ADARB1: variants seen among roughly 807,000 people sequenced by gnomAD.
The protein encoded by ADARB1 is adenosine deaminase RNA specific B1.
ADARB1 carries 10 observed loss-of-function variants against 52.4 expected under a neutral mutation model. The observed-to-expected ratio is 0.19, with a 90% CI of 0.12 to 0.32. The LOEUF (loss-of-function observed/expected upper bound fraction) is 0.32. Ranked by LOEUF, ADARB1 falls within the 10% of genes least tolerant of loss-of-function variation. The pLI is 1.00. For synonymous variants in ADARB1, 349 were observed against 371.1 expected (o/e 0.94, Z 0.68); for missense variants, 643 against 922.3 (o/e 0.70, Z 3.92).
intron 1 of ADARB1, among the ~76,000 whole-genome samples, chr21:45,108,202 G>GA (rs919136129): frequency 3.3e-5 from 5 of 152,280 alleles, no homozygotes; most frequent in African/African-American, 1.2e-4. Flanking sequence ...GAAATTCTAG[G>GA]AAAATGGGAA....
intron 9 of ADARB1, among the ~76,000 whole-genome samples, chr21:45,212,173 A>G (rs1479425102): frequency 6.6e-6 from 1 of 152,236 alleles, no homozygotes; most frequent in Non-Finnish European, 1.5e-5. Flanking sequence ...GGAAGATAAT[A>G]TAAGCGTTAT....
At chr21:45,080,562 A>C (rs1204091084) in intron 1 of ADARB1, among the ~76,000 whole-genome samples, 1 of 152,236 alleles carries the variant, frequency 6.6e-6, no homozygotes, top group African/African-American at 2.4e-5. Context: ...AAAAGTTCGG[A>C]ATCTCACCCT....
At chr21:45,175,618 T>C (rs1453656400) in intron 3 of ADARB1, 112 bp from the exon 4 acceptor site, 3 of 1,075,036 alleles carry the variant, frequency 2.8e-6, no homozygotes, top group South Asian at 3.0e-5. Context: ...ATAAAATTTA[T>C]AAGCACACAT....
At position 45,106,303 on chromosome 21, in the gene ADARB1, G is replaced by A. The variant is rs1601366181; in HGVS notation, c.-219-22099G>A. Among the ~76,000 whole-genome samples the A allele has an allele frequency of 2.0e-5, 3 of 151,920 alleles. No homozygotes were observed. The East Asian group carries it at 5.8e-4, about 29-fold the overall frequency. The stretch of plus-strand genomic sequence containing the variant: ...TGTGTTCAGCGTGGGTTGTGGTTGT[G>A]TTTAATGTTTCAACCTAGACTCGTG... On this transcript the variant is annotated intron_variant, in intron 1 of 10. Transcript: ENST00000348831.
chr21:45,226,255 A>C lies in ADARB1; in HGVS notation c.*4058A>C, dbSNP rs926836038. ...GCCATTAAACATGAACTGAACGGTTAAAAGCACAGTCTATGGAACGCTAAT... is the reference window on the plus strand; with the variant it reads ...GCCATTAAACATGAACTGAACGGTTCAAAGCACAGTCTATGGAACGCTAAT... On this transcript the variant is annotated 3_prime_UTR_variant, in exon 11 of 11. Transcript: ENST00000348831. 6.6e-6 allele frequency: 1 copy of C among 152,580 alleles called. No homozygotes were observed. The highest frequency in any genetic ancestry group is 1.5e-5 in the Non-Finnish European group (1 of 68,054). The allele number at this position is 152,580 out of a possible 1,614,324, so 9.5% of individuals were successfully genotyped here.
In ADARB1 at chr21:45,204,738, C is replaced by T. The variant is rs2092632818; in HGVS notation, c.1747+2C>T. ...CCCTCAACAAGCCTTTGCTCAGTGG[C>T]AAGTATCTCTAGAGTGTGCTGATTT... is the stretch of plus-strand genomic sequence containing the variant. On this transcript the variant is annotated splice_donor_variant, in intron 9 of 10. Coordinates refer to ENST00000348831, the MANE Select transcript of ADARB1 (RefSeq NM_001112.4). LOFTEE classifies it low-confidence loss of function (GC_TO_GT_DONOR). This position sits in a 1 kb window ranked among gnomAD's most constrained non-coding sequence, Gnocchi z 4.4. 6.2e-7 allele frequency: 1 copy of T among 1,613,678 alleles called. No individual in the cohort carries two copies. Among genetic ancestry groups the T allele is most frequent in the South Asian group, 1.1e-5 (1 of 91,028 alleles).
chr21:45,090,500 C>T (rs1216286740), intron 1 of ADARB1, among the ~76,000 whole-genome samples: 2 of 152,096 alleles, frequency 1.3e-5, no homozygotes, highest in Non-Finnish European at 2.9e-5. Context: ...TTATAAATGT[C>T]CCTACCGTGC....
At chr21:45,161,253 G>A (rs1025768419) in intron 2 of ADARB1, among the ~76,000 whole-genome samples, 1 of 152,182 alleles carries the variant, frequency 6.6e-6, no homozygotes, top group African/African-American at 2.4e-5. Flanking sequence ...CAGGAGCCCT[G>A]CCATCCTGGG....
chr21:45,165,368 G>A (rs891518757), intron 2 of ADARB1, among the ~76,000 whole-genome samples: 3 of 152,042 alleles, frequency 2.0e-5, no homozygotes, highest in Non-Finnish European at 2.9e-5. Flanking sequence ...GATGAATATT[G>A]TACATTATTA....
chr21:45,224,557 A>G lies in ADARB1; in HGVS notation c.*2360A>G. ...CCTGGGCGGGGCGGCTGTTGGGGGG[A>G]ACTGGGTTCGGGGTGCCCTGGGCAG... On this transcript the variant is annotated 3_prime_UTR_variant, in exon 11 of 11. Transcript: ENST00000348831. 1 of 761,906 alleles carries G rather than the reference A, an allele frequency of 1.3e-6. No homozygotes were observed. The highest frequency in any genetic ancestry group is 1.6e-6 in the Non-Finnish European group (1 of 624,822). The allele number at this position is 761,906 out of a possible 1,614,324, so 47.2% of individuals were successfully genotyped here. A position where few individuals can be genotyped will look rare whatever the true frequency, so the allele number is the denominator to read the frequency against.
chr21:45,106,204 T>TTTA (rs1555887203), intron 1 of ADARB1, among the ~76,000 whole-genome samples: 15 of 151,636 alleles, frequency 9.9e-5, no homozygotes, highest in Admixed American at 4.6e-4. Flanking sequence ...TTTTTTTTTT[T>TTTA]ATAGGTCCTT....
intron 2 of ADARB1, among the ~76,000 whole-genome samples, chr21:45,164,253 CAG>C (rs1409423987): frequency 6.6e-6 from 1 of 152,126 alleles, no homozygotes; most frequent in Non-Finnish European, 1.5e-5. Context: ...AGACTCTGGA[CAG>C]GGGAGGACAG....
chr21:45,098,521 T>A (rs2086864449), intron 1 of ADARB1, among the ~76,000 whole-genome samples: 2 of 152,206 alleles, frequency 1.3e-5, no homozygotes, highest in South Asian at 4.1e-4. Flanking sequence ...AGGCATCCTC[T>A]AGGTTCTCAG....
chr21:45,144,733 T>C (rs1005569620), intron 2 of ADARB1: 6 of 426,330 alleles, frequency 1.4e-5, no homozygotes, highest in African/African-American at 1.2e-4. Context: ...ACAAAATGAA[T>C]TAATATGCAG....
At chr21:45,084,070 C>G (rs1375314318) in intron 1 of ADARB1, among the ~76,000 whole-genome samples, 1 of 152,160 alleles carries the variant, frequency 6.6e-6, no homozygotes, top group Non-Finnish European at 1.5e-5. Flanking sequence ...TTTGGGAGAT[C>G]AGGATTGTAA....
intron 8 of ADARB1, among the ~76,000 whole-genome samples, chr21:45,201,665 G>T (rs1472898397): frequency 2.6e-5 from 4 of 152,240 alleles, no homozygotes; most frequent in Non-Finnish European, 5.9e-5. Flanking sequence ...GGTACATATT[G>T]TAAGTGCTGG....
chr21:45,184,837 T>C, intron 7 of ADARB1, 86 bp from the exon 8 acceptor site: 2 of 1,380,818 alleles, frequency 1.4e-6, no homozygotes, highest in African/African-American at 1.4e-5. Flanking sequence ...GTATTTTAAA[T>C]TTATAAGCTA....
intron 1 of ADARB1, among the ~76,000 whole-genome samples, chr21:45,081,182 T>C (rs2086135834): frequency 6.6e-6 from 1 of 152,182 alleles, no homozygotes; most frequent in Admixed American, 6.5e-5. Context: ...GTGCCTGCTC[T>C]GTGTGAGTCA....
intron 1 of ADARB1, among the ~76,000 whole-genome samples, chr21:45,104,227 T>A (rs902197333): frequency 6.6e-6 from 1 of 152,222 alleles, no homozygotes; most frequent in Non-Finnish European, 1.5e-5. Context: ...GTGATATGGC[T>A]GTGGTTAGTT....
Sources: allele counts gnomAD v4.1 joint callset (sites outside exome capture counted in the v4.1 genomes callset), GRCh38; gene constraint gnomAD v4.1.1; non-coding constraint Gnocchi (gnomAD v3.1); transcripts MANE v1.5; gene names NCBI Gene and HGNC (gene_info 2026-07-23, HGNC 2026-07-21).